The following COL26A1 variants were observed in gnomAD, a reference collection of about 807,000 sequenced individuals.
COL26A1 encodes the protein collagen alpha-1(XXVI) chain.
Under a neutral mutation model 59.3 loss-of-function variants are expected in COL26A1, and 41 were observed. The ratio of observed to expected loss-of-function variants is 0.69; its 90% CI spans 0.54 to 0.90. The LOEUF is 0.90. COL26A1 is among the 40% of genes least tolerant of loss of function. The probability of loss-of-function intolerance (pLI) is 0.00; values close to 1 mark genes in which losing one functional copy is unlikely to be tolerated. For missense variants in COL26A1, 612 were observed against 602.3 expected (o/e 1.02, Z -0.17); for synonymous variants, 266 against 256.0 (o/e 1.04, Z -0.37).
chr7:101,364,469 G>C (rs1292164113), intron 1 of COL26A1, among the ~76,000 whole-genome samples: 1 of 151,700 alleles, frequency 6.6e-6, no homozygotes, highest in African/African-American at 2.4e-5. Flanking sequence ...ACAACCCTAG[G>C]GTTAAAACAT....
intron 3 of COL26A1, among the ~76,000 whole-genome samples, chr7:101,501,728 C>A (rs752487368): frequency 6.6e-6 from 1 of 152,202 alleles, no homozygotes; most frequent in Non-Finnish European, 1.5e-5. Flanking sequence ...TGCTCAGACT[C>A]TTGGAGGTGC....
At chr7:101,463,025 G>A (rs909684228) in intron 3 of COL26A1, among the ~76,000 whole-genome samples, 1 of 152,316 alleles carries the variant, frequency 6.6e-6, no homozygotes, top group African/African-American at 2.4e-5. Context: ...GCAAGGACAG[G>A]CCATGATTGA....
chr7:101,557,834 C>A lies in COL26A1; in HGVS notation c.*304C>A, dbSNP rs1006651231. On this transcript the variant is annotated 3_prime_UTR_variant, in exon 13 of 13. Transcript: ENST00000313669. The stretch of plus-strand genomic sequence containing the variant: ...CCTAATACCCATCATTTATTGAGTC[C>A]CTGCTGTAACTGGCCCTGTCCAGGG... 3.5e-6 allele frequency: 1 copy of A among 283,532 alleles called. No homozygotes were observed. Among genetic ancestry groups the A allele is most frequent in the Non-Finnish European group, 6.6e-6 (1 of 151,844 alleles). The allele number at this position is 283,532 out of a possible 1,614,324, so 17.6% of individuals were successfully genotyped here.
At chr7:101,414,381 CCTCTCTCT>C (rs35093515) in intron 1 of COL26A1, among the ~76,000 whole-genome samples, 23 of 145,588 alleles carry the variant, frequency 1.6e-4, no homozygotes, top group Admixed American at 9.7e-4. Context: ...AGGAAAGTCA[CCTCTCTCT>C]CTCTCTCTCT....
chr7:101,485,895 G>A (rs1393766740), intron 3 of COL26A1, among the ~76,000 whole-genome samples: 3 of 152,042 alleles, frequency 2.0e-5, no homozygotes, highest in East Asian at 1.9e-4. Context: ...AGCGGAGCCC[G>A]GGCACGATGG....
At chr7:101,374,642 C>T (rs1198204065) in intron 1 of COL26A1, among the ~76,000 whole-genome samples, 1 of 152,198 alleles carries the variant, frequency 6.6e-6, no homozygotes, top group Non-Finnish European at 1.5e-5. Context: ...CATTGTCTCC[C>T]ATCACCCCCA....
chr7:101,450,689 T>C (rs1028112635), intron 3 of COL26A1, among the ~76,000 whole-genome samples: 3 of 148,414 alleles, frequency 2.0e-5, no homozygotes, highest in African/African-American at 7.3e-5. Context: ...GATATATTAA[T>C]AATATATATT....
chr7:101,555,718 A>C (rs1224669971), intron 11 of COL26A1, 69 bp from the exon 12 acceptor site: 18 of 1,172,820 alleles, frequency 1.5e-5, no homozygotes, highest in Non-Finnish European at 2.2e-5. Flanking sequence ...ATACACTGTC[A>C]CTGTATCAGG....
At chr7:101,415,382 G>A (rs1792349685) in intron 1 of COL26A1, among the ~76,000 whole-genome samples, 1 of 152,076 alleles carries the variant, frequency 6.6e-6, no homozygotes. Context: ...TCGAACTCCT[G>A]ACTTCAGATG....
chr7:101,474,048 C>A (rs1793976502), intron 3 of COL26A1, among the ~76,000 whole-genome samples: 1 of 152,144 alleles, frequency 6.6e-6, no homozygotes, highest in Admixed American at 6.5e-5. Flanking sequence ...CAATGCCAGC[C>A]TGTGAAAAGC....
intron 3 of COL26A1, among the ~76,000 whole-genome samples, chr7:101,479,024 T>C (rs1335161538): frequency 1.3e-5 from 2 of 152,238 alleles, no homozygotes; most frequent in Non-Finnish European, 2.9e-5. Context: ...CTAACAGATA[T>C]ATTGCTTCTG....
At chr7:101,477,494 G>A (rs947061075) in intron 3 of COL26A1, among the ~76,000 whole-genome samples, 1 of 152,200 alleles carries the variant, frequency 6.6e-6, no homozygotes, top group Non-Finnish European at 1.5e-5. Flanking sequence ...CTTGTATCTG[G>A]AGGGTGTACA....
At chr7:101,413,561 A>G (rs908887371) in intron 1 of COL26A1, among the ~76,000 whole-genome samples, 1 of 141,132 alleles carries the variant, frequency 7.1e-6, no homozygotes, top group Non-Finnish European at 1.6e-5. Context: ...GAAAAAGAAA[A>G]GAAGAAAGAA....
chr7:101,511,165 G>A (rs1563019902), intron 3 of COL26A1, among the ~76,000 whole-genome samples: 1 of 151,122 alleles, frequency 6.6e-6, no homozygotes, highest in South Asian at 2.1e-4. Flanking sequence ...GCCTCCCAAA[G>A]TGCTGGGATT....
intron 3 of COL26A1, among the ~76,000 whole-genome samples, chr7:101,450,917 C>G (rs1049869039): frequency 9.8e-5 from 13 of 132,074 alleles, no homozygotes; most frequent in Admixed American, 2.9e-4. Flanking sequence ...TTTATATATT[C>G]CAGTAATATA....
At chr7:101,409,674 A>G (rs1792199786) in intron 1 of COL26A1, among the ~76,000 whole-genome samples, 1 of 152,268 alleles carries the variant, frequency 6.6e-6, no homozygotes, top group African/African-American at 2.4e-5. Flanking sequence ...CAGGTGTTGC[A>G]GCAGAGAAAG....
chr7:101,519,342 G>A (rs891698225), intron 3 of COL26A1, among the ~76,000 whole-genome samples: 4 of 152,168 alleles, frequency 2.6e-5, no homozygotes, highest in Non-Finnish European at 4.4e-5. Context: ...ACAGGGTCTC[G>A]CTCTGTGGCC....
rs1469078826 is a variant in COL26A1 at position 101,545,398 on chromosome 7, C to G, written c.764C>G (p.Pro255Arg). ...LPGEMGRPGPPGPPGPAGNPG... is the reference protein window; with the variant it reads ...LPGEMGRPGPRGPPGPAGNPG... Reference sequence around the variant, plus strand: ...GGAGAGATGGGGCGCCCCGGCCCCCCAGGACCACCCGGCCCAGCAGGCAAC... The same window carrying G: ...GGAGAGATGGGGCGCCCCGGCCCCCGAGGACCACCCGGCCCAGCAGGCAAC... The change falls in exon 7 of 13, where the codon CCA becomes CGA. Residue 255 changes from proline (P) to arginine (R), a missense_variant. Transcript: ENST00000313669. The G allele has an allele frequency of 6.2e-7, 1 of 1,604,522 alleles. No homozygotes were observed.
At chr7:101,365,412 T>A (rs973870444) in intron 1 of COL26A1, among the ~76,000 whole-genome samples, 2 of 152,016 alleles carry the variant, frequency 1.3e-5, no homozygotes, top group Non-Finnish European at 2.9e-5. Context: ...TTGTGGCTTG[T>A]CTGAATGTTT....
Sources: gnomAD v4.1 joint callset for allele counts (sites outside exome capture counted in the v4.1 genomes callset) on GRCh38, gnomAD v4.1.1 for gene constraint, MANE v1.5 for transcripts, NCBI Gene and HGNC (gene_info 2026-07-23, HGNC 2026-07-21) for gene names.